Variants in WDR89 observed in about 807,000 individuals in gnomAD.
The protein encoded by WDR89 is WD repeat domain 89, also known as WD repeat-containing protein 89.
A neutral mutation model predicts 29.1 loss-of-function variants in WDR89; 17 were observed. The observed-to-expected ratio is 0.58, with a 90% CI of 0.40 to 0.88. WDR89 has a LOEUF of 0.88. WDR89 is among the 40% of genes least tolerant of loss of function. WDR89 has a pLI of 0.00. For synonymous variants in WDR89, 138 were observed against 157.8 expected (o/e 0.87, Z 0.94); for missense variants, 396 against 456.3 (o/e 0.87, Z 1.20).
chr14:63,637,789 T>G (rs1022524083), intron 1 of WDR89, among the ~76,000 whole-genome samples: 2 of 151,924 alleles, frequency 1.3e-5, no homozygotes, highest in African/African-American at 4.8e-5. Context: ...ACAATGGACT[T>G]TGGGGACTTG....
intron 1 of WDR89, among the ~76,000 whole-genome samples, chr14:63,640,042 G>A (rs1884000772): frequency 1.3e-5 from 2 of 152,176 alleles, no homozygotes; most frequent in Non-Finnish European, 2.9e-5. Context: ...CTTTACAATA[G>A]CTACAACAAT....
rs1566787388 is a variant in WDR89, at chr14:63,598,878, C to T, written c.1065G>A (p.Lys355=). The change falls in exon 3 of 3, where the codon AAG becomes AAA. Residue 355 remains lysine, a synonymous_variant. Transcript: ENST00000620954. ...LLLWKPGAIE[K]TFTKKESMKI... Reference sequence around the variant, plus strand: ...TCATACTCTCTTTCTTTGTAAAGGTCTTCTCTATAGCTCCAGGTTTCCAAA... The same window carrying T: ...TCATACTCTCTTTCTTTGTAAAGGTTTTCTCTATAGCTCCAGGTTTCCAAA... The T allele has an allele frequency of 1.9e-6, 3 of 1,613,990 alleles. No homozygotes were observed. Among genetic ancestry groups the T allele is most frequent in the African/African-American group, 2.7e-5 (2 of 74,914 alleles).
chr14:63,617,102 CAG>C (rs1243965250), intron 2 of WDR89, among the ~76,000 whole-genome samples: 2 of 96,964 alleles, frequency 2.1e-5, no homozygotes, highest in Non-Finnish European at 3.9e-5. Context: ...TTTTTTGAGA[CAG>C]AGTTTTGCTC....
In WDR89 at chr14:63,637,814, G is replaced by A. The variant is rs927735338; in HGVS notation, c.-138+3990C>T. Among the ~76,000 whole-genome samples, 4 of 151,848 alleles carry A rather than the reference G, an allele frequency of 2.6e-5. No individual in the cohort carries two copies. In the East Asian group the frequency reaches 7.7e-4, roughly 29 times the overall value. On this transcript the variant is annotated intron_variant, in intron 1 of 2. Coordinates refer to ENST00000620954, the MANE Select transcript of WDR89 (RefSeq NM_080666.4). ...TTGGGGACTTGGCCGGGGGAGGGGG[G>A]GCAAGGGATTAAAAGACTACAAATA...
At chr14:63,602,644 T>C (rs901586043) in intron 2 of WDR89, among the ~76,000 whole-genome samples, 8 of 146,038 alleles carry the variant, frequency 5.5e-5, no homozygotes, top group Non-Finnish European at 4.5e-5. Flanking sequence ...TGGTGGCACA[T>C]GCCTGTAATC....
At chr14:63,626,138 C>T (rs1053793926) in intron 1 of WDR89, among the ~76,000 whole-genome samples, 3 of 152,022 alleles carry the variant, frequency 2.0e-5, no homozygotes, top group African/African-American at 4.8e-5. Flanking sequence ...AGGTGTGAGC[C>T]ACCACACCCA....
chr14:63,606,578 A>G (rs1895333871), intron 2 of WDR89, among the ~76,000 whole-genome samples: 1 of 151,822 alleles, frequency 6.6e-6, no homozygotes, highest in African/African-American at 2.4e-5. Flanking sequence ...AGTGTAGGTC[A>G]TACCGTACAG....
At chr14:63,605,680 G>A (rs373387508) in intron 2 of WDR89, among the ~76,000 whole-genome samples, 6 of 151,946 alleles carry the variant, frequency 3.9e-5, no homozygotes, top group African/African-American at 7.2e-5. Flanking sequence ...GGCTGATCTC[G>A]AACTCCTGAC....
chr14:63,630,814 GAC>G (rs1245440522), intron 1 of WDR89: 1 of 147,734 alleles, frequency 6.8e-6, no homozygotes, highest in Non-Finnish European at 1.5e-5. Context: ...TTTTTTGTGA[GAC>G]ACAGTCTTGC....
intron 1 of WDR89, among the ~76,000 whole-genome samples, chr14:63,640,359 A>G (rs1429859184): frequency 6.6e-6 from 1 of 152,246 alleles, no homozygotes; most frequent in Non-Finnish European, 1.5e-5. Context: ...TCAATTATAC[A>G]GGTGAAAAAG....
chr14:63,607,003 G>A (rs557185413), intron 2 of WDR89, among the ~76,000 whole-genome samples: 1 of 152,208 alleles, frequency 6.6e-6, no homozygotes, highest in East Asian at 1.9e-4. Flanking sequence ...TTTAATCCAG[G>A]GATATGCCCA....
rs924037812 is a variant in WDR89, at chr14:63,599,825, C to T, written c.118G>A (p.Glu40Lys). 1.9e-6 allele frequency: 3 copies of T among 1,614,100 alleles called. No individual in the cohort carries two copies. The South Asian group carries it at 3.3e-5, about 18-fold the overall frequency. The change falls in exon 3 of 3, where the codon GAA becomes AAA. Residue 40 changes from glutamate to lysine, a missense_variant. Transcript: ENST00000620954. ...GAACATAAAACAGCAACCAAGTTTTCCTTTCCTGCTTGGACAGTCTTTGAT... is the reference window on the plus strand; with the variant it reads ...GAACATAAAACAGCAACCAAGTTTTTCTTTCCTGCTTGGACAGTCTTTGAT... ...DTSKTVQAGK[E>K]NLVAVLCSNG...
Position 63,599,210 on chromosome 14 carries a change from C to T in WDR89, c.733G>A (p.Asp245Asn). 12 of 1,605,348 alleles carry T rather than the reference C, an allele frequency of 7.5e-6. No homozygotes were observed. The highest frequency in any genetic ancestry group is 1.0e-5 in the Non-Finnish European group (12 of 1,174,400). Residue 245 changes from aspartate (D) to asparagine (N), a missense_variant, in exon 3 of 3, where the codon GAT becomes AAT. Physicochemically the swap from Asp to Asn is conservative, Grantham distance 23 (BLOSUM62 1). Coordinates refer to ENST00000620954, the MANE Select transcript of WDR89 (RefSeq NM_080666.4). ...MTHDEGFYWW[D>N]LNHLDTDEPV... Reference sequence around the variant, plus strand: ...TCATCAGTGTCCAGATGATTAAGATCCCACCAATAAAATCCTTCATCATGT... The same window carrying T: ...TCATCAGTGTCCAGATGATTAAGATTCCACCAATAAAATCCTTCATCATGT...
chr14:63,633,149 G>GAA (rs1883515631), intron 1 of WDR89, among the ~76,000 whole-genome samples: 1 of 152,052 alleles, frequency 6.6e-6, no homozygotes, highest in Non-Finnish European at 1.5e-5. Flanking sequence ...GAATGTTAAA[G>GAA]AAATGCAATA....
intron 1 of WDR89, among the ~76,000 whole-genome samples, chr14:63,630,175 T>C (rs1482816451): frequency 1.3e-5 from 2 of 150,940 alleles, no homozygotes; most frequent in African/African-American, 4.9e-5. Flanking sequence ...CTCGAACTCC[T>C]GACATCAGGT....
At chr14:63,623,242 C>T (rs372916243) in intron 2 of WDR89, among the ~76,000 whole-genome samples, 29 of 147,470 alleles carry the variant, frequency 2.0e-4, no homozygotes, top group African/African-American at 6.5e-4. Context: ...CCTAGACTAA[C>T]CACTTCAAAC....
At chr14:63,611,852 G>A (rs1182163693) in intron 2 of WDR89, among the ~76,000 whole-genome samples, 6 of 151,550 alleles carry the variant, frequency 4.0e-5, no homozygotes, top group East Asian at 3.9e-4. Context: ...TCAGCCTCCC[G>A]AGTAGCTGGG....
chr14:63,639,357 C>CAAAAAA (rs777712423), intron 1 of WDR89, among the ~76,000 whole-genome samples: 2 of 64,700 alleles, frequency 3.1e-5, no homozygotes, highest in East Asian at 5.1e-4. Flanking sequence ...TCATCTCTAC[C>CAAAAAA]AAAAAAAAAA....
At chr14:63,623,703 C>CAAAAAAAAAAAAAAAAAAAAAAAAAA (rs34839479) in intron 2 of WDR89, among the ~76,000 whole-genome samples, 1 of 39,070 alleles carries the variant, frequency 2.6e-5, no homozygotes. Context: ...GACTCTGTCT[C>CAAAAAAAAAAAAAAAAAAAAAAAAAA]AAAAAAAAAA....
Sources: allele counts gnomAD v4.1 joint callset (sites outside exome capture counted in the v4.1 genomes callset), GRCh38; gene constraint gnomAD v4.1.1; transcripts MANE v1.5; gene names NCBI Gene and HGNC (gene_info 2026-07-23, HGNC 2026-07-21).